BAZ2B: variants seen among roughly 807,000 people sequenced by gnomAD.
The protein encoded by BAZ2B is bromodomain adjacent to zinc finger domain 2B, also known as bromodomain adjacent to zinc finger domain protein 2B.
A neutral mutation model predicts 246.0 loss-of-function variants in BAZ2B; 91 were observed. The ratio of observed to expected loss-of-function variants is 0.37; its 90% CI spans 0.31 to 0.44. BAZ2B has a LOEUF of 0.44. Ranked by LOEUF, BAZ2B falls within the 20% of genes least tolerant of loss-of-function variation. BAZ2B has a pLI of 1.00. For synonymous variants in BAZ2B, 855 were observed against 860.0 expected, an observed-to-expected ratio of 0.99 and a Z score of 0.10; for missense variants, 2,332 against 2,533.7, an observed-to-expected ratio of 0.92 and a Z score of 1.71.
intron 14 of BAZ2B, among the ~76,000 whole-genome samples, 160 bp from the exon 15 acceptor site, chr2:159,405,274 C>T (rs1040087258): frequency 3.9e-5 from 6 of 151,950 alleles, no homozygotes; most frequent in Non-Finnish European, 7.4e-5. Flanking sequence ...TGCAGTGGTG[C>T]GATCGCGGCT....
chr2:159,343,204 G>A (rs2067058918), intron 31 of BAZ2B, among the ~76,000 whole-genome samples: 1 of 152,070 alleles, frequency 6.6e-6, no homozygotes, highest in Non-Finnish European at 1.5e-5. Flanking sequence ...CAGGAAAACT[G>A]GATATCCATA....
chr2:159,404,512 T>C (rs2065593550), intron 16 of BAZ2B: 1 of 177,358 alleles, frequency 5.6e-6, no homozygotes, highest in Non-Finnish European at 1.2e-5. Flanking sequence ...AAGCTTTTAT[T>C]AAAATTTGAA....
intron 27 of BAZ2B, among the ~76,000 whole-genome samples, chr2:159,361,566 A>G (rs1233169286): frequency 6.6e-6 from 1 of 152,246 alleles, no homozygotes; most frequent in Admixed American, 6.5e-5. Context: ...ATCTACAACC[A>G]GAAATACAAT....
chr2:159,618,884 T>C (rs1371879376), upstream of BAZ2B, among the ~76,000 whole-genome samples: 1 of 152,088 alleles, frequency 6.6e-6, no homozygotes, highest in East Asian at 1.9e-4. Flanking sequence ...TTTGCTTAAA[T>C]ACTTCAAACA....
At chr2:159,344,479 A>G (rs6742772) in intron 31 of BAZ2B, among the ~76,000 whole-genome samples, 40,486 of 150,224 alleles carry the variant, frequency 0.27, 6,277 homozygotes, top group East Asian at 0.6. Flanking sequence ...GGCTGCGGTG[A>G]GCTGAGATGG....
chr2:159,607,509 G>A (rs1693773264), intron 1 of BAZ2B, among the ~76,000 whole-genome samples: 1 of 152,028 alleles, frequency 6.6e-6, no homozygotes, highest in African/African-American at 2.4e-5. Flanking sequence ...CTGAAATGGA[G>A]GATTGAAACT....
the BAZ2B span, among the ~76,000 whole-genome samples, chr2:159,627,273 A>T: frequency 6.6e-6 from 1 of 152,028 alleles, no homozygotes; most frequent in African/African-American, 2.4e-5. Flanking sequence ...TCCTTCTGAA[A>T]CTATTCCAAA....
chr2:159,676,128 C>T, the BAZ2B span, among the ~76,000 whole-genome samples: 1 of 152,018 alleles, frequency 6.6e-6, no homozygotes, highest in South Asian at 2.1e-4. Context: ...CTCCCGACCT[C>T]GTGATCCACC....
Position 159,438,537 on chromosome 2 carries a change from C to CTT in BAZ2B, c.1058_1059insAA (p.Leu354SerfsTer16), listed in dbSNP as rs1559421144. On this transcript the variant is annotated frameshift_variant, in exon 8 of 37. Transcript: ENST00000392783. LOFTEE classifies it high-confidence loss of function. ...GAGAGCTTTGGAAAATAAATGGAAGCTGCTGTGACAAAACCTGAGGCTGCT... is the reference window on the plus strand; with the variant it reads ...GAGAGCTTTGGAAAATAAATGGAAGCTTTGCTGTGACAAAACCTGAGGCTGCT... 1 of 1,614,012 alleles carries CTT rather than the reference C, an allele frequency of 6.2e-7. No homozygotes were observed.
chr2:159,682,174 T>A, the BAZ2B span, among the ~76,000 whole-genome samples: 1 of 150,536 alleles, frequency 6.6e-6, no homozygotes, highest in Non-Finnish European at 1.5e-5. Context: ...CTGTTTTCTT[T>A]GCTTCCTGCT....
At chr2:159,689,074 C>T in the BAZ2B span, 3 of 234,510 alleles carry the variant, frequency 1.3e-5, no homozygotes, top group East Asian at 1.4e-4. Flanking sequence ...CACAAAATAC[C>T]GTAAAATCCA....
chr2:159,648,256 GC>G, the BAZ2B span, among the ~76,000 whole-genome samples: 48 of 152,104 alleles, frequency 3.2e-4, no homozygotes, highest in Admixed American at 3.1e-3. Context: ...TCCTGCCTCA[GC>G]CTCCCAAGTA....
At chr2:159,500,937 G>A (rs374992921) in intron 2 of BAZ2B, among the ~76,000 whole-genome samples, 26 of 148,384 alleles carry the variant, frequency 1.8e-4, no homozygotes, top group African/African-American at 5.0e-4. Context: ...CTGGGTGACA[G>A]AGCAAGACTC....
At chr2:159,374,348 T>G (rs1301289963) in intron 26 of BAZ2B, among the ~76,000 whole-genome samples, 2 of 152,218 alleles carry the variant, frequency 1.3e-5, no homozygotes, top group African/African-American at 4.8e-5. Flanking sequence ...TTTTAGTAAT[T>G]AATTCCAAGA....
chr2:159,474,816 G>T (rs1301634380), intron 3 of BAZ2B, among the ~76,000 whole-genome samples: 5 of 152,132 alleles, frequency 3.3e-5, no homozygotes, highest in African/African-American at 1.2e-4. Flanking sequence ...CGCTGTTGAA[G>T]CTCAGTTTGG....
At chr2:159,576,530 TTAAAA>T in intron 1 of BAZ2B, among the ~76,000 whole-genome samples, 1 of 94,950 alleles carries the variant, frequency 1.1e-5, no homozygotes. Flanking sequence ...TATCAAAGGT[TTAAAA>T]AAAAAAAAAA....
intron 2 of BAZ2B, among the ~76,000 whole-genome samples, chr2:159,555,282 G>A (rs898569841): frequency 1.3e-5 from 2 of 151,708 alleles, no homozygotes; most frequent in Non-Finnish European, 2.9e-5. Flanking sequence ...GTAGAGTCGG[G>A]GTTTTACCAT....
At chr2:159,691,173 T>C in the BAZ2B span, among the ~76,000 whole-genome samples, 1 of 152,220 alleles carries the variant, frequency 6.6e-6, no homozygotes, top group Admixed American at 6.5e-5. Flanking sequence ...GATAATTATA[T>C]GATTTATCTC....
intron 20 of BAZ2B, among the ~76,000 whole-genome samples, chr2:159,390,171 C>A (rs1247732581): frequency 6.6e-6 from 1 of 152,134 alleles, no homozygotes; most frequent in Non-Finnish European, 1.5e-5. Context: ...TCAGTTCTAA[C>A]CTACTACCGC....
Sources: gnomAD v4.1 joint callset for allele counts (sites outside exome capture counted in the v4.1 genomes callset) on GRCh38, gnomAD v4.1.1 for gene constraint, MANE v1.5 for transcripts, NCBI Gene and HGNC (gene_info 2026-07-23, HGNC 2026-07-21) for gene names.